PALS1: variants seen among roughly 807,000 people sequenced by gnomAD.
PALS1 encodes protein PALS1.
Under a neutral mutation model 78.9 loss-of-function variants are expected in PALS1, and 31 were observed. The observed-to-expected ratio is 0.39, with a 90% confidence interval of 0.30 to 0.53. PALS1 has a LOEUF of 0.53. PALS1 is among the 20% of genes least tolerant of loss of function. The pLI, the probability that PALS1 is intolerant of heterozygous loss-of-function variation, is 0.67. For synonymous variants in PALS1, 276 were observed against 270.9 expected, an observed-to-expected ratio of 1.02 and a Z score of -0.18; for missense variants, 704 against 826.5, an observed-to-expected ratio of 0.85 and a Z score of 1.82.
At chr14:67,256,758 A>G (rs899269796) in intron 1 of PALS1, among the ~76,000 whole-genome samples, 3 of 151,738 alleles carry the variant, frequency 2.0e-5, no homozygotes, top group Admixed American at 1.3e-4. Flanking sequence ...AAAAAATCTA[A>G]TAGAGTAAGT....
intron 4 of PALS1, among the ~76,000 whole-genome samples, chr14:67,299,513 C>T (rs943396596): frequency 6.6e-6 from 1 of 151,730 alleles, no homozygotes; most frequent in Non-Finnish European, 1.5e-5. Context: ...TGAAGGAAAA[C>T]AAGGAAAAGT....
chr14:67,329,345 T>G (rs1450405842), intron 14 of PALS1, among the ~76,000 whole-genome samples: 1 of 152,236 alleles, frequency 6.6e-6, no homozygotes, highest in African/African-American at 2.4e-5. Flanking sequence ...GAGACTTTGC[T>G]GAAGTTGCTT....
chr14:67,275,422 T>C (rs2084486649), intron 2 of PALS1, among the ~76,000 whole-genome samples: 1 of 152,206 alleles, frequency 6.6e-6, no homozygotes, highest in Non-Finnish European at 1.5e-5. Flanking sequence ...TGGATTACGT[T>C]TATTGATTTG....
chr14:67,258,935 C>T (rs556997471), intron 1 of PALS1, among the ~76,000 whole-genome samples: 8 of 152,026 alleles, frequency 5.3e-5, no homozygotes, highest in African/African-American at 1.7e-4. Flanking sequence ...TCCCACCTCC[C>T]GGGTTCAAGT....
chr14:67,291,023 A>T (rs1040720744), intron 3 of PALS1, among the ~76,000 whole-genome samples: 2 of 152,226 alleles, frequency 1.3e-5, no homozygotes, highest in Non-Finnish European at 2.9e-5. Flanking sequence ...CTACAAGAAG[A>T]AGTTTATAAG....
rs1255685992 is a variant in PALS1, at chr14:67,334,266, A to ACTGT, written c.*1313_*1316dup. ...ACATTTAAGCTAATAGGATTTTCGT[A>ACTGT]CTGTCTCTATAGCTGTAGCTTTAAA... is the stretch of plus-strand genomic sequence containing the variant. On this transcript the variant is annotated 3_prime_UTR_variant, in exon 15 of 15. Transcript: ENST00000261681. 2.0e-5 allele frequency: 3 copies of ACTGT among 152,668 alleles called. No individual in the cohort carries two copies. Among genetic ancestry groups the ACTGT allele is most frequent in the East Asian group, 1.9e-4 (1 of 5,204 alleles). 9.5% of individuals were successfully genotyped at this position (152,668 alleles called of 1,614,324 possible).
At chr14:67,277,454 G>GA (rs1567516027) in intron 2 of PALS1, among the ~76,000 whole-genome samples, 1 of 152,182 alleles carries the variant, frequency 6.6e-6, no homozygotes, top group Non-Finnish European at 1.5e-5. Flanking sequence ...AGATGTTTGA[G>GA]AAAAGATTGG....
intron 8 of PALS1, among the ~76,000 whole-genome samples, chr14:67,310,324 A>C (rs987010856): frequency 1.3e-5 from 2 of 152,116 alleles, no homozygotes; most frequent in African/African-American, 4.8e-5. Flanking sequence ...AACACTTTCA[A>C]ATTTGGTGTG....
intron 13 of PALS1, among the ~76,000 whole-genome samples, chr14:67,322,728 T>G (rs2085279978): frequency 6.6e-6 from 1 of 151,558 alleles, no homozygotes; most frequent in Non-Finnish European, 1.5e-5. Context: ...AAAATTCTTA[T>G]TTCTCCAGAA....
intron 1 of PALS1, among the ~76,000 whole-genome samples, chr14:67,250,055 G>A (rs1289621852): frequency 1.3e-5 from 2 of 152,112 alleles, no homozygotes; most frequent in Non-Finnish European, 2.9e-5. Flanking sequence ...TATGAAGCTG[G>A]TTGAGATTCA....
chr14:67,302,685 AT>A (rs2084948450), intron 7 of PALS1, 114 bp downstream of exon 7: 1 of 818,318 alleles, frequency 1.2e-6, no homozygotes, highest in African/African-American at 1.8e-5. Context: ...TTCTAGCCTG[AT>A]TTTTCCATGA....
At chr14:67,297,853 C>A (rs1031547957) in intron 4 of PALS1, among the ~76,000 whole-genome samples, 1 of 152,144 alleles carries the variant, frequency 6.6e-6, no homozygotes, top group Admixed American at 6.5e-5. Flanking sequence ...AGATACAATT[C>A]TATCTTCATT....
intron 13 of PALS1, 34 bp downstream of exon 13, chr14:67,321,293 T>G (rs1566578693): frequency 1.2e-6 from 2 of 1,601,706 alleles, no homozygotes; most frequent in East Asian, 4.5e-5. Flanking sequence ...GGTTTGAACT[T>G]AGAAGGAATG....
chr14:67,311,102 A>C (rs979255024), intron 8 of PALS1, among the ~76,000 whole-genome samples: 1 of 152,154 alleles, frequency 6.6e-6, no homozygotes, highest in East Asian at 1.9e-4. Flanking sequence ...ACCTGAGGTC[A>C]GGAGTTCAAG....
At chr14:67,276,776 A>G (rs1284047437) in intron 2 of PALS1, among the ~76,000 whole-genome samples, 1 of 152,206 alleles carries the variant, frequency 6.6e-6, no homozygotes, top group African/African-American at 2.4e-5. Flanking sequence ...ATCCAGATAT[A>G]CAAGTATGAT....
chr14:67,289,250 G>A (rs2084735524), intron 3 of PALS1, among the ~76,000 whole-genome samples: 2 of 152,102 alleles, frequency 1.3e-5, no homozygotes, highest in Admixed American at 1.3e-4. Flanking sequence ...TTACAGGCAT[G>A]AGCCACCATC....
chr14:67,323,597 G>C (rs1438764764), intron 13 of PALS1, 105 bp from the exon 14 acceptor site: 1 of 279,382 alleles, frequency 3.6e-6, no homozygotes, highest in East Asian at 7.1e-5. Flanking sequence ...CTAGGCAACA[G>C]AGCAAGTCCC....
At chr14:67,259,288 A>C (rs986072869) in intron 1 of PALS1, among the ~76,000 whole-genome samples, 1 of 152,048 alleles carries the variant, frequency 6.6e-6, no homozygotes, top group Admixed American at 6.6e-5. Context: ...AAAGTGAATG[A>C]AAGTAAAAAA....
chr14:67,323,180 TATATA>T (rs1339728164), intron 13 of PALS1, among the ~76,000 whole-genome samples: 1 of 151,650 alleles, frequency 6.6e-6, no homozygotes, highest in African/African-American at 2.4e-5. Flanking sequence ...AAATTATATG[TATATA>T]ATATGTATTA....
Sources: gnomAD v4.1 joint callset for allele counts (sites outside exome capture counted in the v4.1 genomes callset) on GRCh38, gnomAD v4.1.1 for gene constraint, MANE v1.5 for transcripts, NCBI Gene and HGNC (gene_info 2026-07-23, HGNC 2026-07-21) for gene names.